Variants in INPP4B observed in about 807,000 individuals in gnomAD.
The protein encoded by INPP4B is inositol polyphosphate-4-phosphatase type II B, also known as inositol polyphosphate 4-phosphatase type II.
INPP4B carries 55 observed loss-of-function variants against 122.5 expected under a neutral mutation model. The observed-to-expected ratio is 0.45, with a 90% CI of 0.36 to 0.56. The LOEUF is 0.56. Ranked by LOEUF, INPP4B falls within the 20% of genes least tolerant of loss-of-function variation. The pLI, the probability that INPP4B is intolerant of heterozygous loss-of-function variation, is 0.00. For missense variants in INPP4B, 1,000 were observed against 1,097.7 expected (o/e 0.91, Z 1.26); for synonymous variants, 403 against 388.7 (o/e 1.04, Z -0.43).
At chr4:142,601,923 TG>T (rs1740046942) in intron 2 of INPP4B, among the ~76,000 whole-genome samples, 1 of 129,904 alleles carries the variant, frequency 7.7e-6, no homozygotes, top group Admixed American at 9.8e-5. Context: ...AAGCCAAGAT[TG>T]CACCACTGCA....
At chr4:142,163,221 A>C (rs1477141053) in intron 16 of INPP4B, among the ~76,000 whole-genome samples, 2 of 151,942 alleles carry the variant, frequency 1.3e-5, no homozygotes, top group Non-Finnish European at 2.9e-5. Flanking sequence ...AAAATAGAAA[A>C]TTCCAGAAAT....
At chr4:142,385,568 T>G (rs1161793424) in intron 7 of INPP4B, among the ~76,000 whole-genome samples, 1 of 152,160 alleles carries the variant, frequency 6.6e-6, no homozygotes, top group Non-Finnish European at 1.5e-5. Context: ...AAGAGAAAAC[T>G]AATCCTGGAT....
At chr4:142,163,910 A>G (rs555166587) in intron 16 of INPP4B, among the ~76,000 whole-genome samples, 1 of 151,992 alleles carries the variant, frequency 6.6e-6, no homozygotes, top group South Asian at 2.1e-4. Context: ...TTAAATGAAA[A>G]AAGAAAGTCT....
At chr4:142,201,907 G>T (rs910067126) in intron 14 of INPP4B, among the ~76,000 whole-genome samples, 9 of 151,932 alleles carry the variant, frequency 5.9e-5, no homozygotes, top group Non-Finnish European at 8.8e-5. Flanking sequence ...GTATCTTTGT[G>T]ATTTGAATAG....
At chr4:142,225,694 G>T (rs939192835) in intron 12 of INPP4B, among the ~76,000 whole-genome samples, 1 of 151,686 alleles carries the variant, frequency 6.6e-6, no homozygotes, top group Non-Finnish European at 1.5e-5. Context: ...GATGAAAATT[G>T]TATATAGGAA....
chr4:142,348,595 A>G (rs1370686948), intron 7 of INPP4B, among the ~76,000 whole-genome samples: 1 of 152,026 alleles, frequency 6.6e-6, no homozygotes, highest in Non-Finnish European at 1.5e-5. Flanking sequence ...GTGCAAATCC[A>G]GCCTATAAGG....
rs11271464 is a variant in INPP4B, at chr4:142,179,567, A to ATGATGCTAATAGG, written c.1182-5759_1182-5758insCCTATTAGCATCA. ...CTGCCATTTATTAGCTCTGTGAAAAAAAAAACATTCATTTTTGCTGAAAAT... is the reference window on the plus strand; with the variant it reads ...CTGCCATTTATTAGCTCTGTGAAAAATGATGCTAATAGGAAAAACATTCATTTTTGCTGAAAAT... On this transcript the variant is annotated intron_variant, in intron 15 of 25. Coordinates refer to ENST00000262992, the MANE Select transcript of INPP4B (RefSeq NM_001101669.3). Among the ~76,000 whole-genome samples the ATGATGCTAATAGG allele has an allele frequency of 7.9e-5, 12 of 151,968 alleles. No individual in the cohort carries two copies. In the South Asian group the frequency reaches 1.0e-3, roughly 13 times the overall value.
At chr4:142,620,411 C>A (rs1383256635) in intron 2 of INPP4B, among the ~76,000 whole-genome samples, 2 of 151,850 alleles carry the variant, frequency 1.3e-5, no homozygotes, top group Non-Finnish European at 2.9e-5. Flanking sequence ...GAACAGAAAA[C>A]CAAATACTGC....
At chr4:142,707,027 A>C (rs11723032) in intron 2 of INPP4B, among the ~76,000 whole-genome samples, 11,738 of 152,324 alleles carry the variant, frequency 0.077, 586 homozygotes, top group South Asian at 0.18. Context: ...ATGAGAAAGA[A>C]GACAGAATTG....
chr4:142,326,495 C>G (rs984244400), intron 7 of INPP4B, among the ~76,000 whole-genome samples: 21 of 152,204 alleles, frequency 1.4e-4, no homozygotes, highest in African/African-American at 5.1e-4. Flanking sequence ...ATGAAACACA[C>G]GTAGAGCTCA....
At chr4:142,591,067 C>A (rs866432487) in intron 2 of INPP4B, among the ~76,000 whole-genome samples, 1 of 152,088 alleles carries the variant, frequency 6.6e-6, no homozygotes, top group Non-Finnish European at 1.5e-5. Flanking sequence ...GTAATCCCAG[C>A]ACTTTGAGAG....
intron 1 of INPP4B, among the ~76,000 whole-genome samples, chr4:142,751,681 TG>T (rs1404838303): frequency 6.6e-6 from 1 of 152,088 alleles, no homozygotes; most frequent in Non-Finnish European, 1.5e-5. Context: ...CTGGAGTATA[TG>T]GAGCTATGAT....
intron 12 of INPP4B, among the ~76,000 whole-genome samples, chr4:142,214,527 AT>A (rs1846227084): frequency 6.6e-6 from 1 of 152,202 alleles, no homozygotes; most frequent in African/African-American, 2.4e-5. Flanking sequence ...TGATAGGTGA[AT>A]CATAAATATA....
intron 2 of INPP4B, among the ~76,000 whole-genome samples, chr4:142,670,092 C>T (rs941203462): frequency 2.0e-5 from 3 of 152,088 alleles, no homozygotes; most frequent in Admixed American, 1.3e-4. Context: ...CACATACAAA[C>T]GGTGTATATG....
At chr4:142,253,478 C>T (rs1470068162) in intron 11 of INPP4B, among the ~76,000 whole-genome samples, 9 of 152,116 alleles carry the variant, frequency 5.9e-5, no homozygotes, top group Non-Finnish European at 1.2e-4. Flanking sequence ...AGAGAGTGGG[C>T]GCAGGTCAGT....
intron 1 of INPP4B, among the ~76,000 whole-genome samples, chr4:142,776,684 C>A (rs1268476438): frequency 6.6e-6 from 1 of 152,120 alleles, no homozygotes; most frequent in Non-Finnish European, 1.5e-5. Flanking sequence ...GTTGTGATTT[C>A]TCCTCCCATT....
rs533929744 is a variant in INPP4B, at chr4:142,196,033, C to A, written c.1073-2838G>T. ...GAATTCTAGACATCTATGAAGAAAC[C>A]GAGACATTTTGAAATAGAAGGTAAA... On this transcript the variant is annotated intron_variant, in intron 14 of 25. Transcript: ENST00000262992. 1.0e-3 allele frequency among the ~76,000 whole-genome samples: 152 copies of A among 152,090 alleles called. 1 individual carries two copies. The highest frequency in any genetic ancestry group is 3.7e-3 in the African/African-American group (152 of 41,494).
chr4:142,285,716 C>A (rs1348175965), intron 9 of INPP4B, among the ~76,000 whole-genome samples: 2 of 151,822 alleles, frequency 1.3e-5, no homozygotes. Context: ...GCTGCTAGAG[C>A]CAGAGTAGGA....
intron 7 of INPP4B, among the ~76,000 whole-genome samples, chr4:142,375,506 T>C (rs1791513005): frequency 6.6e-6 from 1 of 151,926 alleles, no homozygotes; most frequent in African/African-American, 2.4e-5. Flanking sequence ...CCAGCTTTTT[T>C]GCACATCCCA....
Sources: gnomAD v4.1 joint callset for allele counts (sites outside exome capture counted in the v4.1 genomes callset) on GRCh38, gnomAD v4.1.1 for gene constraint, MANE v1.5 for transcripts, NCBI Gene and HGNC (gene_info 2026-07-23, HGNC 2026-07-21) for gene names.